The following MLXIPL variants were observed in gnomAD, a reference collection of about 807,000 sequenced individuals.
MLXIPL encodes the protein carbohydrate-responsive element-binding protein.
In MLXIPL, 49 loss-of-function variants were observed where a neutral mutation model predicts 81.5. That is an observed-to-expected ratio of 0.60 (90% CI 0.48 to 0.76). The LOEUF (loss-of-function observed/expected upper bound fraction) is 0.76, where lower values mean the gene tolerates loss of function less well. Ranked by LOEUF, MLXIPL falls within the 30% of genes least tolerant of loss-of-function variation. The pLI is 0.00. For synonymous variants in MLXIPL, 466 were observed against 485.5 expected (o/e 0.96, Z 0.53); for missense variants, 1,053 against 1,167.0 (o/e 0.90, Z 1.42).
intron 1 of MLXIPL, among the ~76,000 whole-genome samples, chr7:73,618,803 C>T (rs1796145733): frequency 6.6e-6 from 1 of 152,172 alleles, no homozygotes; most frequent in Admixed American, 6.6e-5. Flanking sequence ...TCTGTTGTCC[C>T]TGTCTGTATC....
chr7:73,595,800 G>T (rs1794236099), intron 14 of MLXIPL, 40 bp from the exon 15 acceptor site: 3 of 1,581,214 alleles, frequency 1.9e-6, no homozygotes, highest in Non-Finnish European at 1.7e-6. Flanking sequence ...GGGTAAGGCG[G>T]CATGGCCCCC....
rs782173548 is a variant in MLXIPL at position 73,606,054 on chromosome 7, C to T, written c.676G>A (p.Val226Ile). 6.3e-7 allele frequency: 1 copy of T among 1,591,740 alleles called. No homozygotes were observed. The highest frequency in any genetic ancestry group is 8.6e-7 in the Non-Finnish European group (1 of 1,169,160). ...TCTGGGTCCCCCAGCAGCACGGGGA[C>T]CACACTGGAGAAGAGCTGTTTGCAC... The part of the protein sequence containing the change: ...QWCKQLFSSV[V>I]PVLLGDPEEE... The change falls in exon 6 of 17, where the codon GTC becomes ATC. Residue 226 changes from valine (V) to isoleucine (I), a missense_variant. Around this residue, in one of 3 missense-constraint regions of MLXIPL, gnomAD observed 823 missense variants for 933.0 expected, o/e 0.88. Transcript: ENST00000313375.
At chr7:73,632,789 TC>T in the MLXIPL span, among the ~76,000 whole-genome samples, 1 of 148,072 alleles carries the variant, frequency 6.8e-6, no homozygotes, top group African/African-American at 2.5e-5. Flanking sequence ...CTTCCTTCCT[TC>T]CTTCCTTCCG....
At chr7:73,613,226 T>C (rs1554600094) in intron 2 of MLXIPL, among the ~76,000 whole-genome samples, 1 of 152,156 alleles carries the variant, frequency 6.6e-6, no homozygotes. Flanking sequence ...TTGACATTTG[T>C]TGTATGTGTG....
chr7:73,627,095 C>T (rs1169037188), upstream of MLXIPL, among the ~76,000 whole-genome samples: 1 of 152,160 alleles, frequency 6.6e-6, no homozygotes, highest in East Asian at 1.9e-4. Context: ...GGAGCCCCAG[C>T]TGTTCTGCTC....
At chr7:73,594,473 A>C in intron 15 of MLXIPL, 70 bp from the exon 16 acceptor site, 1 of 1,588,056 alleles carries the variant, frequency 6.3e-7, no homozygotes, top group Non-Finnish European at 8.5e-7. Flanking sequence ...CCTGATGCCC[A>C]GTTCAAACCA....
At chr7:73,630,508 G>A in the MLXIPL span, among the ~76,000 whole-genome samples, 209 of 151,384 alleles carry the variant, frequency 1.4e-3, no homozygotes, top group African/African-American at 4.8e-3. Flanking sequence ...GGCCAGGCTG[G>A]TCTTGAACTC....
chr7:73,628,234 C>T (rs998162394), upstream of MLXIPL, among the ~76,000 whole-genome samples: 1 of 151,986 alleles, frequency 6.6e-6, no homozygotes, highest in East Asian at 1.9e-4. Flanking sequence ...TCAGAGTTGT[C>T]TCCTGCGGTT....
In MLXIPL at chr7:73,597,712, G is replaced by A. The variant is rs35332062; in HGVS notation, c.1073C>T (p.Ala358Val). Residue 358 changes from alanine (A) to valine (V), a missense_variant and splice_region_variant, in exon 9 of 17, where the codon GCT becomes GTT. Transcript: ENST00000313375. ...THLSGHSRLQ[A>V]RNSCPGPLDS... Reference sequence around the variant, plus strand: ...CAAGGGGCCAGGGCAGCTGTTCCGAGCCTGGTTGGGGGGACAGACAGACAC... The same window carrying A: ...CAAGGGGCCAGGGCAGCTGTTCCGAACCTGGTTGGGGGGACAGACAGACAC... 0.12 allele frequency: 157,987 copies of A among 1,335,802 alleles called. 9,918 individuals are homozygous for A. The highest frequency in any genetic ancestry group is 0.15 in the Middle Eastern group (679 of 4,516). 82.7% of individuals were successfully genotyped at this position (1,335,802 alleles called of 1,614,324 possible).
the MLXIPL span, among the ~76,000 whole-genome samples, chr7:73,638,963 A>C: frequency 6.6e-6 from 1 of 152,052 alleles, no homozygotes; most frequent in Non-Finnish European, 1.5e-5. Context: ...CTAGAGGTTA[A>C]ATTAAGTAGA....
the MLXIPL span, among the ~76,000 whole-genome samples, chr7:73,633,948 C>G: frequency 2.0e-5 from 3 of 152,128 alleles, 1 homozygote; most frequent in East Asian, 5.8e-4. Context: ...TACGGAAGGA[C>G]TTGGCAAAGT....
At chr7:73,604,216 A>C (rs1795106163) in intron 7 of MLXIPL, among the ~76,000 whole-genome samples, 2 of 9,034 alleles carry the variant, frequency 2.2e-4, no homozygotes, top group East Asian at 0.013. Flanking sequence ...ACTCCGTCTC[A>C]AAAAAAAAAA....
intron 1 of MLXIPL, among the ~76,000 whole-genome samples, chr7:73,618,287 G>T (rs1489663134): frequency 6.6e-6 from 1 of 152,140 alleles, no homozygotes; most frequent in Non-Finnish European, 1.5e-5. Flanking sequence ...AGTAGAGACG[G>T]GGCTTCATCA....
the MLXIPL span, among the ~76,000 whole-genome samples, chr7:73,642,840 C>T: frequency 8.5e-5 from 13 of 152,314 alleles, no homozygotes; most frequent in South Asian, 1.5e-3. Context: ...TGTGACTGAA[C>T]GCATTCTCCA....
the MLXIPL span, among the ~76,000 whole-genome samples, chr7:73,641,307 G>A: frequency 1.4e-4 from 22 of 152,174 alleles, no homozygotes; most frequent in South Asian, 4.6e-3. Context: ...TTGGCTCACT[G>A]GGGACCCATG....
chr7:73,629,343 C>T (rs1554604172), upstream of MLXIPL, among the ~76,000 whole-genome samples: 2 of 152,110 alleles, frequency 1.3e-5, no homozygotes, highest in East Asian at 3.8e-4. Flanking sequence ...CCTGGCCGCA[C>T]CACCCTTGTT....
At position 73,597,191 on chromosome 7, in the gene MLXIPL, G is replaced by A. The variant is rs1554594484; in HGVS notation, c.1594C>T (p.Leu532Phe). 6.2e-7 allele frequency: 1 copy of A among 1,604,196 alleles called. No individual in the cohort carries two copies. The highest frequency in any genetic ancestry group is 2.2e-5 in the East Asian group (1 of 44,778). Residue 532 changes from leucine to phenylalanine, a missense_variant, in exon 9 of 17, where the codon CTC becomes TTC. Physicochemically the swap from Leu to Phe is conservative, Grantham distance 22. Transcript: ENST00000313375. ...GSNNPCLTQL[L>F]TAAKPEQALE... ...CGTTGCTGGCCCTCACCTGCTGTGA[G>A]CAGCTGTGTGAGGCAGGGGTTGTTG...
At chr7:73,606,268 G>A in intron 5 of MLXIPL, 157 bp from the exon 6 acceptor site, 1 of 760,284 alleles carries the variant, frequency 1.3e-6, no homozygotes, top group East Asian at 2.7e-5. Flanking sequence ...CTGCTTGAAA[G>A]GCCAAGATCA....
the MLXIPL span, among the ~76,000 whole-genome samples, chr7:73,640,848 A>T: frequency 6.6e-6 from 1 of 151,650 alleles, no homozygotes; most frequent in African/African-American, 2.4e-5. Context: ...CTTCTTGAGG[A>T]CCCCAAAGTC....
Sources: gnomAD v4.1 joint callset for allele counts (sites outside exome capture counted in the v4.1 genomes callset) on GRCh38, gnomAD v4.1.1 for gene constraint, gnomAD v4.1.1 regional missense constraint, MANE v1.5 for transcripts, NCBI Gene and HGNC (gene_info 2026-07-23, HGNC 2026-07-21) for gene names.